The following INAVA variants were observed in gnomAD, a reference collection of about 807,000 sequenced individuals.
INAVA encodes the protein innate immunity activator.
Under a neutral mutation model 55.3 loss-of-function variants are expected in INAVA, and 32 were observed. The observed-to-expected ratio is 0.58, with a 90% confidence interval of 0.44 to 0.78. INAVA has a LOEUF of 0.78. INAVA is among the 30% of genes least tolerant of loss of function. INAVA has a pLI of 0.00. For synonymous variants in INAVA, 294 were observed against 329.4 expected, an observed-to-expected ratio of 0.89 and a Z score of 1.16; for missense variants, 756 against 786.4, an observed-to-expected ratio of 0.96 and a Z score of 0.46.
Position 200,911,742 on chromosome 1 carries a change from G to C in INAVA, c.1249G>C (p.Glu417Gln), listed in dbSNP as rs768109621. ...GGCCTGGGTCCCAGCCGGCAGCAGAGAGCTGGTCGCCCACCACCCCAAGCT... is the reference window on the plus strand; with the variant it reads ...GGCCTGGGTCCCAGCCGGCAGCAGACAGCTGGTCGCCCACCACCCCAAGCT... ...RGAWVPAGSR[E>Q]LVAHHPKLLL... Residue 417 changes from glutamate (E) to glutamine (Q), a missense_variant, in exon 9 of 10, where the codon GAG becomes CAG. This residue lies in a region of INAVA where 639 missense variants were observed against 624.3 expected (regional missense o/e 1.02). Transcript: ENST00000413687. The C allele has an allele frequency of 5.6e-6, 9 of 1,612,104 alleles. 1 individual carries two copies. The highest frequency in any genetic ancestry group is 5.9e-6 in the Non-Finnish European group (7 of 1,178,736).
In INAVA at chr1:200,913,924, G is replaced by A. The variant is rs1653849962; in HGVS notation, c.*295G>A. 1 of 354,030 alleles carries A rather than the reference G, an allele frequency of 2.8e-6. No individual in the cohort carries two copies. Among genetic ancestry groups the A allele is most frequent in the East Asian group, 5.2e-5 (1 of 19,060 alleles). The allele number at this position is 354,030 out of a possible 1,614,324, so 21.9% of individuals were successfully genotyped here. On this transcript the variant is annotated 3_prime_UTR_variant, in exon 10 of 10. Coordinates refer to ENST00000413687, the MANE Select transcript of INAVA (RefSeq NM_001142569.3). The stretch of plus-strand genomic sequence containing the variant: ...TGACAGCCTCTATCTCCTTATATAA[G>A]ACAAGTGGCAGGGGACGAGTGAAGC...
intron 1 of INAVA, 87 bp downstream of exon 1, chr1:200,895,174 C>A (rs898148234): frequency 9.5e-6 from 9 of 948,942 alleles, no homozygotes; most frequent in African/African-American, 1.8e-5. Flanking sequence ...GCCATCACCC[C>A]CCTCCGACCC....
chr1:200,904,284 TC>T (rs1166550291), intron 5 of INAVA, among the ~76,000 whole-genome samples: 3 of 152,126 alleles, frequency 2.0e-5, no homozygotes, highest in African/African-American at 4.8e-5. Flanking sequence ...AGATGGGGTT[TC>T]ACCAAATTGT....
chr1:200,891,681 C>T (rs1173477402), upstream of INAVA: 16 of 1,480,034 alleles, frequency 1.1e-5, no homozygotes, highest in Non-Finnish European at 1.3e-5. Context: ...AGGCGGGCGG[C>T]GCCAGAGCTC....
At chr1:200,903,776 C>A (rs1452199621) in intron 5 of INAVA, among the ~76,000 whole-genome samples, 1 of 146,636 alleles carries the variant, frequency 6.8e-6, no homozygotes, top group Non-Finnish European at 1.5e-5. Flanking sequence ...TGCACTCCAG[C>A]CTGGTGACAA....
chr1:200,891,655 T>TGGAGGGCGCAGGGGCAGGC, upstream of INAVA: 1 of 1,505,178 alleles, frequency 6.6e-7, no homozygotes, highest in African/African-American at 1.5e-5. Flanking sequence ...GAGGCTGGAG[T>TGGAGGGCGCAGGGGCAGGC]GGAGGGCGCA....
At chr1:200,900,024 C>T in intron 3 of INAVA, 80 bp from the exon 4 acceptor site, 1 of 1,199,462 alleles carries the variant, frequency 8.3e-7, no homozygotes, top group Non-Finnish European at 1.2e-6. Flanking sequence ...CTATGGAAGG[C>T]AGGCACATGC....
upstream of INAVA, chr1:200,891,765 AC>A: frequency 1.6e-6 from 2 of 1,243,320 alleles, no homozygotes; most frequent in Non-Finnish European, 2.2e-6. Flanking sequence ...GGGCCCCTGA[AC>A]CCACGGTCTT....
chr1:200,899,473 G>A lies in INAVA; in HGVS notation c.56G>A (p.Gly19Asp). 6.2e-7 allele frequency: 1 copy of A among 1,613,990 alleles called. No individual in the cohort carries two copies. The highest frequency in any genetic ancestry group is 2.2e-5 in the East Asian group (1 of 44,870). The change falls in exon 3 of 10, where the codon GGC (glycine) becomes GAC (aspartate). Residue 19 changes from glycine to aspartate, a missense_variant and splice_region_variant. Physicochemically the swap from Gly to Asp is moderately conservative, Grantham distance 94. Around this residue, in one of 2 missense-constraint regions of INAVA, gnomAD observed 639 missense variants for 624.3 expected, o/e 1.02. Coordinates refer to ENST00000413687, the MANE Select transcript of INAVA (RefSeq NM_001142569.3). Reference protein sequence around the residue: ...DTDSGIILQSGPDSPVSPMKE... With the variant: ...DTDSGIILQSDPDSPVSPMKE... Reference sequence around the variant, plus strand: ...AGCATGTGCCCCCCAACCCTTGCAGGCCCCGACAGCCCGGTCTCCCCAATG... The same window carrying A: ...AGCATGTGCCCCCCAACCCTTGCAGACCCCGACAGCCCGGTCTCCCCAATG...
chr1:200,897,888 C>T (rs1375989821), intron 1 of INAVA, among the ~76,000 whole-genome samples: 1 of 152,200 alleles, frequency 6.6e-6, no homozygotes, highest in Admixed American at 6.5e-5. Context: ...TCCAGAAATG[C>T]TGGGATTACA....
chr1:200,909,473 C>T, intron 8 of INAVA, 76 bp downstream of exon 8: 1 of 1,307,344 alleles, frequency 7.6e-7, no homozygotes, highest in Admixed American at 2.9e-5. Flanking sequence ...TCCCAGGACA[C>T]AGGTGGGACA....
chr1:200,909,010 C>A, intron 7 of INAVA, 70 bp downstream of exon 7: 1 of 1,483,660 alleles, frequency 6.7e-7, no homozygotes, highest in Non-Finnish European at 9.1e-7. Flanking sequence ...CTGGGGATGG[C>A]TATAGGCTGG....
In INAVA at chr1:200,909,272, G is replaced by T. The variant is rs1348454730; in HGVS notation, c.834G>T (p.Trp278Cys). 2.5e-6 allele frequency: 4 copies of T among 1,609,014 alleles called. No individual in the cohort carries two copies. Among genetic ancestry groups the T allele is most frequent in the Non-Finnish European group, 3.4e-6 (4 of 1,176,944 alleles). Residue 278 changes from tryptophan to cysteine, a missense_variant, in exon 8 of 10, where the codon TGG (tryptophan) becomes TGT (cysteine). By Grantham distance (215) the Trp-to-Cys change is radical. This residue lies in a region of INAVA where 639 missense variants were observed against 624.3 expected (regional missense o/e 1.02). Coordinates refer to ENST00000413687, the MANE Select transcript of INAVA (RefSeq NM_001142569.3). ...ATGGGCCCAGTGCCTCCAGCCTGTG[G>T]CTTCTGGAGCCTGCCTCCTACCACG... The part of the protein sequence containing the change: ...PQDGPSASSL[W>C]LLEPASYHVV...
At chr1:200,908,071 G>GA in intron 6 of INAVA, 184 bp downstream of exon 6, 1 of 503,078 alleles carries the variant, frequency 2.0e-6, no homozygotes, top group Non-Finnish European at 3.7e-6. Context: ...TGAAGATGGG[G>GA]AATGTGCGAT....
In INAVA at chr1:200,898,361, C is replaced by T; in HGVS notation, c.-40C>T. On this transcript the variant is annotated 5_prime_UTR_variant, in exon 2 of 10. Coordinates refer to ENST00000413687, the MANE Select transcript of INAVA (RefSeq NM_001142569.3). ...CTGGCCCAGGCTGGTCACGGTGTCC[C>T]CCCTCCCTGCTCTGTGCCCTCTCCT... 6.2e-7 allele frequency: 1 copy of T among 1,614,124 alleles called. No homozygotes were observed. The highest frequency in any genetic ancestry group is 8.5e-7 in the Non-Finnish European group (1 of 1,180,022).
intron 4 of INAVA, among the ~76,000 whole-genome samples, chr1:200,900,691 C>T (rs1319454198): frequency 3.9e-5 from 6 of 152,190 alleles, no homozygotes; most frequent in Admixed American, 1.3e-4. Context: ...CCACCCTGCC[C>T]GGTTCAGCAG....
At chr1:200,900,829 T>G (rs1571863063) in intron 4 of INAVA, 108 bp from the exon 5 acceptor site, 1 of 804,542 alleles carries the variant, frequency 1.2e-6, no homozygotes, top group East Asian at 2.8e-5. Flanking sequence ...TCTTCTGTCC[T>G]CAGGGCTTAG....
chr1:200,907,776 C>A, intron 5 of INAVA, 58 bp from the exon 6 acceptor site: 1 of 1,470,704 alleles, frequency 6.8e-7, no homozygotes, highest in South Asian at 1.1e-5. Context: ...GCTGGTTACT[C>A]ATATCTGTTT....
chr1:200,899,953 A>G, intron 3 of INAVA, 151 bp from the exon 4 acceptor site: 1 of 673,308 alleles, frequency 1.5e-6, no homozygotes, highest in Admixed American at 2.7e-5. Flanking sequence ...GGGTCTGAAG[A>G]CAGGAGAGAC....
Sources: allele counts gnomAD v4.1 joint callset (sites outside exome capture counted in the v4.1 genomes callset), GRCh38; gene constraint gnomAD v4.1.1; regional missense constraint gnomAD v4.1.1; transcripts MANE v1.5; gene names NCBI Gene and HGNC (gene_info 2026-07-23, HGNC 2026-07-21).